Variants in TUSC3 observed in about 807,000 individuals in gnomAD.
TUSC3 encodes the protein dolichyl-diphosphooligosaccharide--protein glycosyltransferase subunit TUSC3.
In TUSC3, 45 loss-of-function variants were observed where a neutral mutation model predicts 44.8. The ratio of observed to expected loss-of-function variants is 1.00; its 90% CI spans 0.79 to 1.29. TUSC3 has a LOEUF of 1.29. TUSC3 is among the 50% of genes most tolerant of loss of function. TUSC3 has a pLI of 0.00. For missense variants in TUSC3, 519 were observed against 437.9 expected, an observed-to-expected ratio of 1.19 and a Z score of -1.65; for synonymous variants, 212 against 152.9, an observed-to-expected ratio of 1.39 and a Z score of -2.85.
At chr8:15,519,511 C>G (rs997062444) in intron 2 of TUSC3, among the ~76,000 whole-genome samples, 1 of 152,072 alleles carries the variant, frequency 6.6e-6, no homozygotes, top group Non-Finnish European at 1.5e-5. Flanking sequence ...AGGTGAGTGA[C>G]AAGCCAGCAT....
chr8:15,606,889 G>A (rs1324125829), intron 1 of TUSC3, among the ~76,000 whole-genome samples: 3 of 151,694 alleles, frequency 2.0e-5, no homozygotes, highest in East Asian at 1.9e-4. Context: ...TTTAACTTAC[G>A]TTTTCCAGTG....
At chr8:15,435,926 T>C (rs553841072) in intron 1 of TUSC3, among the ~76,000 whole-genome samples, 1 of 152,312 alleles carries the variant, frequency 6.6e-6, no homozygotes, top group South Asian at 2.1e-4. Flanking sequence ...TTGCTTCTGT[T>C]GGTTAGGGTT....
the TUSC3 span, among the ~76,000 whole-genome samples, chr8:15,772,794 A>G: frequency 6.6e-6 from 1 of 152,252 alleles, no homozygotes; most frequent in Non-Finnish European, 1.5e-5. Flanking sequence ...TAAAAGTTTT[A>G]TACAGCATGA....
At chr8:15,780,033 C>T in the TUSC3 span, among the ~76,000 whole-genome samples, 3 of 152,172 alleles carry the variant, frequency 2.0e-5, no homozygotes, top group East Asian at 3.8e-4. Context: ...TCTTGCCTTA[C>T]ACCAAACTAG....
Position 15,586,437 on chromosome 8 carries a change from G to T in TUSC3, c.139-36643G>T, listed in dbSNP as rs1394103475. ...TGCTTTTATAGGAAAACAGCAGAAG[G>T]AGTCAGTAAAGTAAGATAGGAGAGT... On this transcript the variant is annotated intron_variant, in intron 1 of 10. Transcript: ENST00000503731. 2.0e-5 allele frequency among the ~76,000 whole-genome samples: 3 copies of T among 152,130 alleles called. No homozygotes were observed. The East Asian group carries it at 5.8e-4, about 29-fold the overall frequency.
the TUSC3 span, among the ~76,000 whole-genome samples, chr8:15,772,339 G>T: frequency 6.6e-6 from 1 of 152,106 alleles, no homozygotes; most frequent in African/African-American, 2.4e-5. Flanking sequence ...TATCAGAAAT[G>T]GAAGTGGGAA....
At chr8:15,467,380 A>G (rs1040812926) in intron 1 of TUSC3, among the ~76,000 whole-genome samples, 4 of 151,986 alleles carry the variant, frequency 2.6e-5, no homozygotes, top group Non-Finnish European at 4.4e-5. Context: ...TATCTGAAAC[A>G]TGGTGTGTGG....
At chr8:15,590,650 T>G (rs1436824545) in intron 1 of TUSC3, among the ~76,000 whole-genome samples, 1 of 150,116 alleles carries the variant, frequency 6.7e-6, no homozygotes, top group Non-Finnish European at 1.5e-5. Flanking sequence ...ATTTATTTAT[T>G]TATTATTATT....
the TUSC3 span, among the ~76,000 whole-genome samples, chr8:15,804,684 T>C: frequency 6.6e-6 from 1 of 152,212 alleles, no homozygotes; most frequent in African/African-American, 2.4e-5. Flanking sequence ...GGTCTATGTG[T>C]CTGCTTTTGT....
At chr8:15,551,103 G>A (rs375065148) in intron 1 of TUSC3, among the ~76,000 whole-genome samples, 2 of 151,774 alleles carry the variant, frequency 1.3e-5, no homozygotes, top group Non-Finnish European at 2.9e-5. Flanking sequence ...TGTAAAATGA[G>A]AGGGTTGAAC....
the TUSC3 span, among the ~76,000 whole-genome samples, chr8:15,804,646 A>G: frequency 6.6e-6 from 1 of 152,226 alleles, no homozygotes; most frequent in African/African-American, 2.4e-5. Context: ...GCACACCTTT[A>G]TTACTGAGTT....
chr8:15,730,011 G>C (rs1442364223), intron 6 of TUSC3, among the ~76,000 whole-genome samples: 1 of 151,894 alleles, frequency 6.6e-6, no homozygotes, highest in Admixed American at 6.6e-5. Flanking sequence ...TAGAAAATAG[G>C]ACATTTATTT....
At chr8:15,585,306 A>G (rs1803550131) in intron 1 of TUSC3, among the ~76,000 whole-genome samples, 1 of 152,160 alleles carries the variant, frequency 6.6e-6, no homozygotes. Context: ...CAGATTTGAG[A>G]TGGATAATGT....
At chr8:15,681,689 A>T (rs1400847237) in intron 6 of TUSC3, among the ~76,000 whole-genome samples, 2 of 150,304 alleles carry the variant, frequency 1.3e-5, no homozygotes, top group African/African-American at 4.9e-5. Flanking sequence ...CTCTGATTTT[A>T]GTTATTTATT....
the TUSC3 span, among the ~76,000 whole-genome samples, chr8:15,772,632 G>A: frequency 5.3e-5 from 8 of 152,224 alleles, no homozygotes; most frequent in South Asian, 1.7e-3. Context: ...AAACATAGAA[G>A]AGAAAGTAAC....
chr8:15,760,476 T>C (rs900826386), intron 10 of TUSC3, among the ~76,000 whole-genome samples: 3 of 152,168 alleles, frequency 2.0e-5, no homozygotes, highest in African/African-American at 4.8e-5. Flanking sequence ...TTATGGTGTA[T>C]CTTTCAGTAC....
chr8:15,784,452 T>C, the TUSC3 span, among the ~76,000 whole-genome samples: 141 of 152,118 alleles, frequency 9.3e-4, no homozygotes, highest in African/African-American at 3.3e-3. Flanking sequence ...TATGAAAAAA[T>C]TGAAGTGCCC....
intron 1 of TUSC3, among the ~76,000 whole-genome samples, chr8:15,568,301 G>T (rs974782358): frequency 1.1e-4 from 16 of 152,176 alleles, no homozygotes; most frequent in Admixed American, 4.6e-4. Context: ...GCCAGTCCTT[G>T]TTCTGGGTGC....
chr8:15,811,960 C>T, the TUSC3 span, among the ~76,000 whole-genome samples: 1 of 152,098 alleles, frequency 6.6e-6, no homozygotes, highest in Non-Finnish European at 1.5e-5. Flanking sequence ...ATTTTATGTT[C>T]TCTTTGATGA....
Sources: gnomAD v4.1 joint callset for allele counts (sites outside exome capture counted in the v4.1 genomes callset) on GRCh38, gnomAD v4.1.1 for gene constraint, MANE v1.5 for transcripts, NCBI Gene and HGNC (gene_info 2026-07-23, HGNC 2026-07-21) for gene names.